The following KCNQ1 variants were observed in gnomAD, a reference collection of about 807,000 sequenced individuals.
KCNQ1 encodes the protein potassium voltage-gated channel subfamily KQT member 1.
KCNQ1 carries 49 observed loss-of-function variants against 72.4 expected under a neutral mutation model. The ratio of observed to expected loss-of-function variants is 0.68; its 90% CI spans 0.54 to 0.86. The LOEUF (loss-of-function observed/expected upper bound fraction) is 0.86, where lower values mean the gene tolerates loss of function less well. KCNQ1 is among the 40% of genes least tolerant of loss of function. The pLI, the probability that KCNQ1 is intolerant of heterozygous loss-of-function variation, is 0.00. For synonymous variants in KCNQ1, 450 were observed against 412.6 expected (o/e 1.09, Z -1.10); for missense variants, 790 against 945.1 (o/e 0.84, Z 2.15).
chr11:2,648,645 A>G, intron 10 of KCNQ1: 1 of 398,520 alleles, frequency 2.5e-6, no homozygotes, highest in Non-Finnish European at 4.4e-6. Context: ...ATACTTGATA[A>G]GATTTTGACT....
At chr11:2,540,250 C>G (rs1338915758) in intron 2 of KCNQ1, among the ~76,000 whole-genome samples, 43 of 152,226 alleles carry the variant, frequency 2.8e-4, no homozygotes, top group Admixed American at 2.8e-3. Context: ...GCATTACATT[C>G]AGATGAGTTC....
intron 10 of KCNQ1, among the ~76,000 whole-genome samples, chr11:2,590,219 C>T (rs1024164): frequency 6.6e-6 from 1 of 152,076 alleles, no homozygotes; most frequent in Non-Finnish European, 1.5e-5. Flanking sequence ...CAGGAGAAAA[C>T]ACAGCAAAGC....
chr11:2,736,935 G>A (rs752429967), intron 11 of KCNQ1, among the ~76,000 whole-genome samples: 5 of 152,184 alleles, frequency 3.3e-5, no homozygotes, highest in African/African-American at 4.8e-5. Flanking sequence ...AGTGCCAGCC[G>A]AGGGTGGCTG....
At chr11:2,518,928 C>T (rs1242941764) in intron 1 of KCNQ1, among the ~76,000 whole-genome samples, 5 of 152,146 alleles carry the variant, frequency 3.3e-5, no homozygotes, top group African/African-American at 4.8e-5. Flanking sequence ...CGGAGCTGGA[C>T]GGGGAGGACC....
Position 2,541,087 on chromosome 11 carries a change from G to A in KCNQ1, c.477+13069G>A, listed in dbSNP as rs575090292. Among the ~76,000 whole-genome samples, 1 of 152,364 alleles carries A rather than the reference G, an allele frequency of 6.6e-6. No homozygotes were observed. The highest frequency in any genetic ancestry group is 2.4e-5 in the African/African-American group (1 of 41,594). ...CACGTTCAGGCTCAGACACGTGCCT[G>A]CATGCACACGTGCACACGTGCACAC... is the stretch of plus-strand genomic sequence containing the variant. On this transcript the variant is annotated intron_variant, in intron 2 of 15. Coordinates refer to ENST00000155840, the MANE Select transcript of KCNQ1 (RefSeq NM_000218.3). This position sits in a 1 kb window ranked among gnomAD's most constrained non-coding sequence, Gnocchi z 4.8.
chr11:2,790,147 G>C (rs1398912359), intron 15 of KCNQ1, among the ~76,000 whole-genome samples: 2 of 152,202 alleles, frequency 1.3e-5, no homozygotes, highest in African/African-American at 4.8e-5. Context: ...ACCTGCCACA[G>C]AGACAGCCCC....
intron 15 of KCNQ1, among the ~76,000 whole-genome samples, chr11:2,788,174 G>T (rs1846948535): frequency 6.6e-6 from 1 of 151,590 alleles, no homozygotes; most frequent in South Asian, 2.1e-4. Context: ...CCCCAACAGA[G>T]ATGCATCCCT....
At position 2,654,420 on chromosome 11, in the gene KCNQ1, T is replaced by C. The variant is rs1849805282; in HGVS notation, c.1394-7541T>C. The C allele has an allele frequency of 7.5e-6, 3 of 398,040 alleles. No homozygotes were observed. The highest frequency in any genetic ancestry group is 1.3e-5 in the Non-Finnish European group (3 of 226,002). The allele number at this position is 398,040 out of a possible 1,614,324, so 24.7% of individuals were successfully genotyped here. On this transcript the variant is annotated intron_variant, in intron 10 of 15. Transcript: ENST00000155840. The surrounding 1 kb of genome is among the most constrained non-coding windows in gnomAD (Gnocchi z 6.4). ...GCCTGTGCCAAACCCTGGGGAGACA[T>C]GGGTGAGGCAGAAGGCAAGGTTCCC...
rs1564795411 is a variant in KCNQ1 at position 2,488,896 on chromosome 11, T to C, written c.387-39032T>C. 2.0e-5 allele frequency among the ~76,000 whole-genome samples: 3 copies of C among 152,218 alleles called. No individual in the cohort carries two copies. Among genetic ancestry groups the C allele is most frequent in the Non-Finnish European group, 4.4e-5 (3 of 68,034 alleles). On this transcript the variant is annotated intron_variant, in intron 1 of 15. Coordinates refer to ENST00000155840, the MANE Select transcript of KCNQ1 (RefSeq NM_000218.3). This position sits in a 1 kb window ranked among gnomAD's most constrained non-coding sequence, Gnocchi z 5.1. ...CTTCTTTCTTCTGCTAGCTTTGGGT[T>C]TAGTTCTTTTGCTAGTTCCTTAAGT...
Position 2,661,957 on chromosome 11 carries a change from T to C in KCNQ1, c.1394-4T>C. The C allele has an allele frequency of 1.2e-6, 2 of 1,614,086 alleles. No individual in the cohort carries two copies. Among genetic ancestry groups the C allele is most frequent in the Non-Finnish European group, 1.7e-6 (2 of 1,180,024 alleles). On this transcript the variant is annotated splice_region_variant and splice_polypyrimidine_tract_variant and intron_variant, in intron 10 of 15. Transcript: ENST00000155840. The surrounding 1 kb of genome is among the most constrained non-coding windows in gnomAD (Gnocchi z 5.9). ...AACGTGCTGTCCCCACACTTTCTCCTCAGTAAGGAAGAGCCCAACACTGCT... is the reference window on the plus strand; with the variant it reads ...AACGTGCTGTCCCCACACTTTCTCCCCAGTAAGGAAGAGCCCAACACTGCT...
rs539667051 is a variant in KCNQ1 at position 2,566,938 on chromosome 11, G to T, written c.478-3690G>T. On this transcript the variant is annotated intron_variant, in intron 2 of 15. Transcript: ENST00000155840. The surrounding 1 kb of genome is among the most constrained non-coding windows in gnomAD (Gnocchi z 6.7). ...TCTCAGAGGGATTGGGGGTGATGGG[G>T]GTGCTGAGCTGGCCTGAGAAGGGTG... 9.9e-5 allele frequency among the ~76,000 whole-genome samples: 15 copies of T among 151,374 alleles called. No individual in the cohort carries two copies. The highest frequency in any genetic ancestry group is 1.6e-4 in the Non-Finnish European group (11 of 67,780).
chr11:2,452,090 C>T (rs1846126289), intron 1 of KCNQ1, among the ~76,000 whole-genome samples: 1 of 152,332 alleles, frequency 6.6e-6, no homozygotes, highest in East Asian at 1.9e-4. Context: ...CTGCCCTCAC[C>T]CAGAGAGTGC....
intron 5 of KCNQ1, among the ~76,000 whole-genome samples, chr11:2,572,381 G>A (rs1218993671): frequency 1.3e-5 from 2 of 152,182 alleles, no homozygotes; most frequent in African/African-American, 2.4e-5. Context: ...AATGAAGACA[G>A]AAAGTCAGAA....
At chr11:2,522,659 G>A (rs1315293591) in intron 1 of KCNQ1, among the ~76,000 whole-genome samples, 1 of 152,216 alleles carries the variant, frequency 6.6e-6, no homozygotes, top group Non-Finnish European at 1.5e-5. Flanking sequence ...TCAAAATATC[G>A]GAAGAATCAT....
At chr11:2,517,482 G>A (rs531177746) in intron 1 of KCNQ1, among the ~76,000 whole-genome samples, 9 of 152,298 alleles carry the variant, frequency 5.9e-5, no homozygotes, top group South Asian at 2.1e-4. Context: ...TCCCCGCTGC[G>A]TCACTGTCTG....
intron 10 of KCNQ1, chr11:2,641,868 G>C (rs898676662): frequency 2.5e-5 from 10 of 398,258 alleles, no homozygotes; most frequent in Middle Eastern, 6.2e-4. Context: ...TATTTTCCCA[G>C]CTCCATTAAG....
chr11:2,660,846 G>C lies in KCNQ1; in HGVS notation c.1394-1115G>C, dbSNP rs546801234. ...GGACACACCCTCTCACCCTGCTCCA[G>C]TATGTCAGCTTTTAAGAATAAAGAT... On this transcript the variant is annotated intron_variant, in intron 10 of 15. Coordinates refer to ENST00000155840, the MANE Select transcript of KCNQ1 (RefSeq NM_000218.3). The C allele has an allele frequency of 2.5e-5, 10 of 398,598 alleles. No homozygotes were observed. The South Asian group carries it at 1.1e-3, about 46-fold the overall frequency. 24.7% of individuals were successfully genotyped at this position (398,598 alleles called of 1,614,324 possible). A position where few individuals can be genotyped will look rare whatever the true frequency, so the allele number is the denominator to read the frequency against.
Position 2,475,351 on chromosome 11 carries a change from G to A in KCNQ1, c.386+29867G>A, listed in dbSNP as rs1432449139. 6.6e-6 allele frequency among the ~76,000 whole-genome samples: 1 copy of A among 152,206 alleles called. No homozygotes were observed. The highest frequency in any genetic ancestry group is 1.5e-5 in the Non-Finnish European group (1 of 68,040). ...TCTGAGCTGAGTAGTGGTCTGTGGT[G>A]TGGATGGACTACGTGCAGCTGTCTC... On this transcript the variant is annotated intron_variant, in intron 1 of 15. Transcript: ENST00000155840. This position sits in a 1 kb window ranked among gnomAD's most constrained non-coding sequence, Gnocchi z 5.8.
At chr11:2,460,944 C>T (rs1846268874) in intron 1 of KCNQ1, among the ~76,000 whole-genome samples, 1 of 152,208 alleles carries the variant, frequency 6.6e-6, no homozygotes, top group Admixed American at 6.5e-5. Flanking sequence ...GTGTGGCCTC[C>T]TGTGGATGGC....
Sources: allele counts gnomAD v4.1 joint callset (sites outside exome capture counted in the v4.1 genomes callset), GRCh38; gene constraint gnomAD v4.1.1; non-coding constraint Gnocchi (gnomAD v3.1); transcripts MANE v1.5; gene names NCBI Gene and HGNC (gene_info 2026-07-23, HGNC 2026-07-21).